PCDHGB2: variants seen among roughly 807,000 people sequenced by gnomAD.
PCDHGB2 encodes protocadherin gamma subfamily B, 2, also known as protocadherin gamma-B2.
Under a neutral mutation model 59.3 loss-of-function variants are expected in PCDHGB2, and 55 were observed. The ratio of observed to expected loss-of-function variants is 0.93; its 90% CI spans 0.75 to 1.16. PCDHGB2 has a LOEUF of 1.16. Among genes scored for constraint, PCDHGB2 ranks in the 50% most tolerant of loss-of-function variants. The pLI is 0.00. For missense variants in PCDHGB2, 1,228 were observed against 1,198.5 expected (o/e 1.02, Z -0.36); for synonymous variants, 516 against 512.0 (o/e 1.01, Z -0.11).
At chr5:141,409,567 G>T (rs974585499) in intron 1 of PCDHGB2, 2 of 1,613,896 alleles carry the variant, frequency 1.2e-6, no homozygotes, top group Non-Finnish European at 1.7e-6. Context: ...TCGACCAGAC[G>T]TCCTACGTGG....
Position 141,431,794 on chromosome 5 carries a change from A to C in PCDHGB2, c.2422-63013A>C. On this transcript the variant is annotated intron_variant, in intron 1 of 3. Coordinates refer to ENST00000522605, the MANE Select transcript of PCDHGB2 (RefSeq NM_018923.3). The surrounding 1 kb of genome is among the most constrained non-coding windows in gnomAD (Gnocchi z 4.8). ...TTCTGGACGTGAACGACAATGCCCC[A>C]GAAGTGGTCCTCACCTCTCTCGCCA... 1 of 1,614,260 alleles carries C rather than the reference A, an allele frequency of 6.2e-7. No individual in the cohort carries two copies. Among genetic ancestry groups the C allele is most frequent in the Non-Finnish European group, 8.5e-7 (1 of 1,180,046 alleles).
Position 141,372,333 on chromosome 5 carries a change from C to T in PCDHGB2, c.2421+9777C>T, listed in dbSNP as rs376897075. On this transcript the variant is annotated intron_variant, in intron 1 of 3. Transcript: ENST00000522605. The stretch of plus-strand genomic sequence containing the variant: ...CCGCCAGCGCCTGCTGGTCACTGTG[C>T]GTGATGGAGGACAGCAGCCTCTTTC... 5.9e-5 allele frequency: 96 copies of T among 1,613,614 alleles called. No homozygotes were observed. Among genetic ancestry groups the T allele is most frequent in the Non-Finnish European group, 7.9e-5 (93 of 1,179,914 alleles).
intron 1 of PCDHGB2, chr5:141,419,027 GTTCCAT>G: frequency 6.2e-7 from 1 of 1,613,870 alleles, no homozygotes; most frequent in Non-Finnish European, 8.5e-7. Context: ...AAGTAGAGGT[GTTCCAT>G]TTAAGATTCA....
intron 1 of PCDHGB2, among the ~76,000 whole-genome samples, chr5:141,472,980 C>CAAA (rs60579131): frequency 5.8e-5 from 5 of 86,104 alleles, no homozygotes; most frequent in Non-Finnish European, 1.0e-4. Context: ...GAGTGAAACT[C>CAAA]AAAAAAAAAA....
rs563283218 is a variant in PCDHGB2, at chr5:141,431,573, G to A, written c.2422-63234G>A. On this transcript the variant is annotated intron_variant, in intron 1 of 3. Coordinates refer to ENST00000522605, the MANE Select transcript of PCDHGB2 (RefSeq NM_018923.3). This position sits in a 1 kb window ranked among gnomAD's most constrained non-coding sequence, Gnocchi z 4.8. ...AGTCAACGCTACCGACCCTGACGAA[G>A]GAGTCAATGCGGAAGTGAGGTATTC... 5.6e-6 allele frequency: 9 copies of A among 1,614,186 alleles called. No homozygotes were observed. The South Asian group carries it at 8.8e-5, about 16-fold the overall frequency.
Position 141,491,687 on chromosome 5 carries a change from G to A in PCDHGB2, c.2422-3120G>A. On this transcript the variant is annotated intron_variant, in intron 1 of 3. Transcript: ENST00000522605. This position sits in a 1 kb window ranked among gnomAD's most constrained non-coding sequence, Gnocchi z 6.9. Reference sequence around the variant, plus strand: ...ATCCGGTCCCGCTCTAATACGCTGCGGGAGCGGAGCCAGGTGAGGGGCTCG... The same window carrying A: ...ATCCGGTCCCGCTCTAATACGCTGCAGGAGCGGAGCCAGGTGAGGGGCTCG... The A allele has an allele frequency of 6.2e-7, 1 of 1,613,072 alleles. No homozygotes were observed. The highest frequency in any genetic ancestry group is 8.5e-7 in the Non-Finnish European group (1 of 1,179,608).
chr5:141,399,506 A>G, intron 1 of PCDHGB2: 1 of 1,613,982 alleles, frequency 6.2e-7, no homozygotes, highest in Non-Finnish European at 8.5e-7. Flanking sequence ...GTACCCGAAA[A>G]CAACCCTCCT....
intron 1 of PCDHGB2, chr5:141,394,026 G>A (rs745343207): frequency 6.2e-7 from 1 of 1,613,494 alleles, no homozygotes; most frequent in Admixed American, 1.7e-5. Context: ...TTATAGATTA[G>A]TGACAAGGAA....
intron 1 of PCDHGB2, among the ~76,000 whole-genome samples, chr5:141,454,371 G>A (rs901551817): frequency 6.6e-6 from 1 of 152,096 alleles, no homozygotes; most frequent in Non-Finnish European, 1.5e-5. Context: ...AAGGAGTATG[G>A]CAACTTGTCA....
At position 141,361,605 on chromosome 5, in the gene PCDHGB2, C is replaced by T. The variant is rs1291967828; in HGVS notation, c.1470C>T (p.Ser490=). The change falls in exon 1 of 4, where the codon TCC becomes TCT. Residue 490 remains serine (S), a synonymous_variant. Coordinates refer to ENST00000522605, the MANE Select transcript of PCDHGB2 (RefSeq NM_018923.3). ...GCCCCAGTGGCCAAGTTTCCTACTC[C>T]ATCGTAGCGAGCGACCTGAAGCCGC... ...DLGPSGQVSY[S]IVASDLKPRE... 7 of 1,613,908 alleles carry T rather than the reference C, an allele frequency of 4.3e-6. No homozygotes were observed. The highest frequency in any genetic ancestry group is 1.1e-5 in the South Asian group (1 of 91,086).
chr5:141,377,683 T>C (rs1160424297), intron 1 of PCDHGB2: 1 of 152,192 alleles, frequency 6.6e-6, no homozygotes, highest in Non-Finnish European at 1.5e-5. Context: ...AAGAGATCTT[T>C]CACCTTTACT....
At chr5:141,419,713 C>T in intron 1 of PCDHGB2, 1 of 1,613,264 alleles carries the variant, frequency 6.2e-7, no homozygotes, top group East Asian at 2.2e-5. Context: ...GGCTCTTCAG[C>T]CTGGGGCTGC....
intron 1 of PCDHGB2, chr5:141,372,188 G>C: frequency 6.2e-7 from 1 of 1,613,564 alleles, no homozygotes; most frequent in Non-Finnish European, 8.5e-7. Context: ...ACGCAGACTC[G>C]GGATACAACG....
In PCDHGB2 at chr5:141,447,157, T is replaced by A. The variant is rs569196292; in HGVS notation, c.2422-47650T>A. On this transcript the variant is annotated intron_variant, in intron 1 of 3. Transcript: ENST00000522605. The stretch of plus-strand genomic sequence containing the variant: ...TTTGTTTTTTGTTTTTGTTTTTGTT[T>A]AAGCGGGGTCTTGCTCTTGTCGCGC... Among the ~76,000 whole-genome samples the A allele has an allele frequency of 4.1e-4, 62 of 152,254 alleles. No homozygotes were observed. The South Asian group carries it at 0.013, about 31-fold the overall frequency.
intron 1 of PCDHGB2, chr5:141,392,398 C>T (rs926356717): frequency 1.3e-5 from 2 of 155,550 alleles, no homozygotes; most frequent in African/African-American, 4.8e-5. Context: ...CATTTAATAA[C>T]ACTAAATAAA....
At chr5:141,384,532 A>T (rs766404100) in intron 1 of PCDHGB2, 1 of 1,614,238 alleles carries the variant, frequency 6.2e-7, no homozygotes, top group South Asian at 1.1e-5. Flanking sequence ...TCTCAGCAGC[A>T]ACATGTCACT....
intron 1 of PCDHGB2, among the ~76,000 whole-genome samples, chr5:141,444,400 A>G (rs1400847351): frequency 1.3e-5 from 2 of 151,536 alleles, no homozygotes; most frequent in Admixed American, 6.6e-5. Flanking sequence ...TGAACTCCCA[A>G]CCTCAGGTGA....
chr5:141,376,676 G>GTGTTTTTTT (rs1773033495), intron 1 of PCDHGB2: 1 of 275,812 alleles, frequency 3.6e-6, no homozygotes, highest in African/African-American at 3.7e-5. Flanking sequence ...TGAGGGTATC[G>GTGTTTTTTT]TTTTTTTTTT....
At chr5:141,374,404 C>T (rs1383124731) in intron 1 of PCDHGB2, 2 of 1,613,916 alleles carry the variant, frequency 1.2e-6, no homozygotes, top group South Asian at 1.1e-5. Context: ...TGAGTTTTAA[C>T]ATCCTTGTCG....
Sources: allele counts gnomAD v4.1 joint callset (sites outside exome capture counted in the v4.1 genomes callset), GRCh38; gene constraint gnomAD v4.1.1; non-coding constraint Gnocchi (gnomAD v3.1); transcripts MANE v1.5; gene names NCBI Gene and HGNC (gene_info 2026-07-23, HGNC 2026-07-21).